The following EYS variants were observed in gnomAD, a reference collection of about 807,000 sequenced individuals.
EYS encodes protein eyes shut homolog.
Under a neutral mutation model 282.1 loss-of-function variants are expected in EYS, and 250 were observed. That is an observed-to-expected ratio of 0.89 (90% CI 0.80 to 0.98). EYS has a LOEUF of 0.98. EYS is among the 50% of genes least tolerant of loss of function. EYS has a pLI of 0.00. For synonymous variants in EYS, 1,355 were observed against 1,282.9 expected, an observed-to-expected ratio of 1.06 and a Z score of -1.20; for missense variants, 4,016 against 3,709.0, an observed-to-expected ratio of 1.08 and a Z score of -2.15.
chr6:65,101,692 T>C (rs1338465064), intron 12 of EYS, among the ~76,000 whole-genome samples: 1 of 151,286 alleles, frequency 6.6e-6, no homozygotes, highest in Non-Finnish European at 1.5e-5. Flanking sequence ...GTCTGCTTTC[T>C]GACTTGGAGT....
intron 12 of EYS, among the ~76,000 whole-genome samples, chr6:65,121,878 T>C (rs1164268559): frequency 6.6e-6 from 1 of 152,162 alleles, no homozygotes; most frequent in Admixed American, 6.5e-5. Flanking sequence ...AGTCTCACCT[T>C]TACTTATTTC....
intron 35 of EYS, among the ~76,000 whole-genome samples, chr6:63,901,239 A>G (rs1773650927): frequency 6.6e-6 from 1 of 152,220 alleles, no homozygotes; most frequent in Non-Finnish European, 1.5e-5. Context: ...TACAAAGACA[A>G]ATAAAAAATG....
In EYS at chr6:65,229,217, G is replaced by A. The variant is rs113915370; in HGVS notation, c.2023+66646C>T. Among the ~76,000 whole-genome samples the A allele has an allele frequency of 5.7e-3, 859 of 152,012 alleles. 8 individuals are homozygous for A. The highest frequency in any genetic ancestry group is 0.02 in the African/African-American group (814 of 41,508). ...AAAGATTAAGATTAGAAAGTGTCCA[G>A]TGTATTTAGCAAGATATGGACCATT... On this transcript the variant is annotated intron_variant, in intron 12 of 42. Transcript: ENST00000503581.
At chr6:64,509,960 A>G (rs1373452432) in intron 26 of EYS, among the ~76,000 whole-genome samples, 2 of 152,166 alleles carry the variant, frequency 1.3e-5, no homozygotes, top group African/African-American at 4.8e-5. Context: ...AATATTGGGA[A>G]TCAATCTCTT....
intron 31 of EYS, among the ~76,000 whole-genome samples, chr6:64,111,346 A>T (rs1265151873): frequency 6.6e-6 from 1 of 152,052 alleles, no homozygotes; most frequent in Non-Finnish European, 1.5e-5. Flanking sequence ...GATGATAGGC[A>T]CCCACCATAG....
At chr6:65,584,808 A>G (rs992832140) in intron 2 of EYS, among the ~76,000 whole-genome samples, 3 of 151,356 alleles carry the variant, frequency 2.0e-5, no homozygotes, top group Admixed American at 6.6e-5. Context: ...TGAATAATAT[A>G]TATGTCTTTT....
At chr6:64,579,003 A>G (rs1765977863) in intron 26 of EYS, among the ~76,000 whole-genome samples, 1 of 152,076 alleles carries the variant, frequency 6.6e-6, no homozygotes. Context: ...CTTTTCATTA[A>G]TTTTCTATGT....
At chr6:64,584,409 A>G (rs1427780048) in intron 26 of EYS, among the ~76,000 whole-genome samples, 1 of 151,492 alleles carries the variant, frequency 6.6e-6, no homozygotes, top group African/African-American at 2.4e-5. Context: ...AAATTTTAAT[A>G]TAATATTTAA....
intron 22 of EYS, among the ~76,000 whole-genome samples, chr6:64,664,620 G>A (rs1032135487): frequency 1.3e-5 from 2 of 152,124 alleles, no homozygotes; most frequent in Non-Finnish European, 2.9e-5. Flanking sequence ...GGGTTTAATT[G>A]GGAGGTGAGA....
At chr6:65,160,306 A>T (rs564655609) in intron 12 of EYS, among the ~76,000 whole-genome samples, 1 of 150,964 alleles carries the variant, frequency 6.6e-6, no homozygotes, top group Admixed American at 6.6e-5. Flanking sequence ...TATTAGAGAG[A>T]CATTTTTAAA....
chr6:65,107,356 T>C (rs1775069749), intron 12 of EYS, among the ~76,000 whole-genome samples: 1 of 150,840 alleles, frequency 6.6e-6, no homozygotes, highest in Non-Finnish European at 1.5e-5. Flanking sequence ...CCTCGAGGAC[T>C]ATTTGCCCAC....
At chr6:64,092,009 T>C (rs1445687494) in intron 31 of EYS, among the ~76,000 whole-genome samples, 2 of 152,222 alleles carry the variant, frequency 1.3e-5, no homozygotes. Context: ...TGTTTGGTTT[T>C]TCTGTCCTTG....
intron 12 of EYS, among the ~76,000 whole-genome samples, chr6:65,083,989 T>A (rs1035227861): frequency 4.6e-5 from 7 of 151,906 alleles, no homozygotes; most frequent in South Asian, 2.1e-4. Flanking sequence ...ATATATATAT[T>A]TTTTAAATAA....
chr6:64,516,322 G>C (rs1429408784), intron 26 of EYS, among the ~76,000 whole-genome samples: 1 of 151,234 alleles, frequency 6.6e-6, no homozygotes, highest in Non-Finnish European at 1.5e-5. Flanking sequence ...AGGAGGGAGA[G>C]GACCAGGAAA....
intron 18 of EYS, among the ~76,000 whole-genome samples, chr6:64,890,276 G>T (rs560722480): frequency 6.6e-6 from 1 of 152,050 alleles, no homozygotes; most frequent in Non-Finnish European, 1.5e-5. Context: ...CTGTGATCTC[G>T]CCCTGCCTCC....
chr6:64,157,812 G>A (rs373263541), intron 31 of EYS, among the ~76,000 whole-genome samples: 1 of 152,326 alleles, frequency 6.6e-6, no homozygotes, highest in Non-Finnish European at 1.5e-5. Context: ...GCAGGAGTGC[G>A]GCACTAATGG....
At chr6:64,079,184 A>G (rs1446627942) in intron 32 of EYS, among the ~76,000 whole-genome samples, 1 of 152,060 alleles carries the variant, frequency 6.6e-6, no homozygotes, top group Non-Finnish European at 1.5e-5. Flanking sequence ...TTTTGTATAA[A>G]AAACAAGTTT....
chr6:64,011,455 T>TCTTTAAATTTGGAAGGA (rs1414385977), intron 33 of EYS, among the ~76,000 whole-genome samples: 27 of 152,212 alleles, frequency 1.8e-4, no homozygotes, highest in African/African-American at 6.3e-4. Flanking sequence ...GATTTTGCAG[T>TCTTTAAATTTGGAAGGA]CTTTAAATTT....
At chr6:65,429,277 A>C (rs1767785500) in intron 5 of EYS, among the ~76,000 whole-genome samples, 1 of 152,158 alleles carries the variant, frequency 6.6e-6, no homozygotes, top group South Asian at 2.1e-4. Flanking sequence ...GAAATATACT[A>C]TGTGGAATCT....
Sources: allele counts gnomAD v4.1 joint callset (sites outside exome capture counted in the v4.1 genomes callset), GRCh38; gene constraint gnomAD v4.1.1; transcripts MANE v1.5; gene names NCBI Gene and HGNC (gene_info 2026-07-23, HGNC 2026-07-21).